The following UNC79 variants were observed in gnomAD, a reference collection of about 807,000 sequenced individuals.
UNC79 encodes unc-79 subunit of NALCN channel complex.
Under a neutral mutation model 283.1 loss-of-function variants are expected in UNC79, and 37 were observed. That is an observed-to-expected ratio of 0.13 (90% CI 0.10 to 0.17). The LOEUF is 0.17. Ranked by LOEUF, UNC79 falls within the 10% of genes least tolerant of loss-of-function variation. The pLI, the probability that UNC79 is intolerant of heterozygous loss-of-function variation, is 1.00. For missense variants in UNC79, 2,272 were observed against 3,211.1 expected, an observed-to-expected ratio of 0.71 and a Z score of 7.07; for synonymous variants, 1,107 against 1,200.2, an observed-to-expected ratio of 0.92 and a Z score of 1.61.
At chr14:93,506,095 T>G (rs1175722829) in intron 7 of UNC79, among the ~76,000 whole-genome samples, 3 of 152,126 alleles carry the variant, frequency 2.0e-5, no homozygotes, top group African/African-American at 7.2e-5. Context: ...GGATTGAAGT[T>G]TTTTAAAATA....
At chr14:93,360,794 T>G (rs2054204246) in intron 1 of UNC79, among the ~76,000 whole-genome samples, 1 of 152,190 alleles carries the variant, frequency 6.6e-6, no homozygotes, top group South Asian at 2.1e-4. Flanking sequence ...AGAGAATAAA[T>G]TTGACTGAAA....
At chr14:93,630,856 C>A in exon 31 of UNC79, 1 of 1,613,994 alleles carries the variant, frequency 6.2e-7, no homozygotes, top group South Asian at 1.1e-5. Context: ...CTTCATCTGC[C>A]CCTACGTTAG....
At chr14:93,634,433 G>T in intron 31 of UNC79, 88 bp from the exon 34 acceptor site, 2 of 951,236 alleles carry the variant, frequency 2.1e-6, no homozygotes, top group Non-Finnish European at 3.3e-6. Context: ...CAAATGAAGG[G>T]TCAATTAAAA....
At chr14:93,414,969 G>C (rs1488010237) in intron 1 of UNC79, among the ~76,000 whole-genome samples, 1 of 152,194 alleles carries the variant, frequency 6.6e-6, no homozygotes, top group African/African-American at 2.4e-5. Context: ...TCTGCAAACA[G>C]GGACAATTTG....
At chr14:93,458,978 G>T (rs2056868291) in intron 1 of UNC79, among the ~76,000 whole-genome samples, 1 of 152,182 alleles carries the variant, frequency 6.6e-6, no homozygotes, top group Non-Finnish European at 1.5e-5. Context: ...CATGCTCTGG[G>T]TAGTCAGAAA....
At chr14:93,686,692 G>C in intron 43 of UNC79, 31 bp downstream of exon 46, 1 of 1,612,638 alleles carries the variant, frequency 6.2e-7, no homozygotes, top group Non-Finnish European at 8.5e-7. Flanking sequence ...TCATCCCTCA[G>C]GTTCACAAAA....
In UNC79 at chr14:93,497,154, T is replaced by C. The variant is rs1397566402; in HGVS notation, c.769-3T>C. The C allele has an allele frequency of 6.2e-7, 1 of 1,608,622 alleles. No individual in the cohort carries two copies. Among genetic ancestry groups the C allele is most frequent in the Non-Finnish European group, 8.5e-7 (1 of 1,178,636 alleles). Reference sequence around the variant, plus strand: ...GTCAAAATATGCTTGCTGTTTCCTTTAGGATCTTTTGTATGTGATTGCGTA... The same window carrying C: ...GTCAAAATATGCTTGCTGTTTCCTTCAGGATCTTTTGTATGTGATTGCGTA... On this transcript the variant is annotated splice_polypyrimidine_tract_variant and splice_region_variant and intron_variant, in intron 6 of 48. Transcript: ENST00000555664.
At chr14:93,483,625 G>A (rs2140421851) in intron 4 of UNC79, among the ~76,000 whole-genome samples, 1 of 151,460 alleles carries the variant, frequency 6.6e-6, no homozygotes, top group African/African-American at 2.4e-5. Context: ...TGCCATGTTG[G>A]AGTCCCATTA....
At chr14:93,543,188 C>CT (rs2141211536) in intron 14 of UNC79, among the ~76,000 whole-genome samples, 1 of 146,350 alleles carries the variant, frequency 6.8e-6, no homozygotes, top group East Asian at 2.3e-4. Context: ...GTCTTTTTTT[C>CT]TTTTTTTAAT....
intron 1 of UNC79, among the ~76,000 whole-genome samples, chr14:93,454,292 G>A (rs958676064): frequency 6.6e-6 from 1 of 152,090 alleles, no homozygotes; most frequent in Non-Finnish European, 1.5e-5. Context: ...CAATCCACTT[G>A]TCTCAGCCTC....
chr14:93,629,814 A>G (rs1417283639), intron 30 of UNC79, among the ~76,000 whole-genome samples: 1 of 152,246 alleles, frequency 6.6e-6, no homozygotes, highest in East Asian at 1.9e-4. Flanking sequence ...ACTTGAAGCC[A>G]TTTAGGGTTG....
At chr14:93,693,625 T>A (rs1279335171) in intron 46 of UNC79, among the ~76,000 whole-genome samples, 2 of 152,190 alleles carry the variant, frequency 1.3e-5, no homozygotes, top group Non-Finnish European at 2.9e-5. Context: ...GGCTACATTG[T>A]CCCACGGAGA....
At chr14:93,422,157 AATAC>A (rs1386156580) in intron 1 of UNC79, among the ~76,000 whole-genome samples, 1 of 151,818 alleles carries the variant, frequency 6.6e-6, no homozygotes, top group African/African-American at 2.4e-5. Flanking sequence ...AGGGAGACAT[AATAC>A]ATCAGTAAAC....
At chr14:93,680,681 C>G (rs769491226) in intron 41 of UNC79, among the ~76,000 whole-genome samples, 1 of 152,148 alleles carries the variant, frequency 6.6e-6, no homozygotes, top group Non-Finnish European at 1.5e-5. Flanking sequence ...ACCTCTGCCC[C>G]CCAGGTTCAA....
intron 44 of UNC79, 174 bp from the exon 48 acceptor site, chr14:93,689,943 A>G (rs916330990): frequency 1.7e-5 from 11 of 652,250 alleles, no homozygotes; most frequent in Non-Finnish European, 2.8e-5. Flanking sequence ...ATTAGAGTGG[A>G]AAACAAGAAA....
rs530840072 is a variant in UNC79 at position 93,576,227 on chromosome 14, T to C, written c.2211+1029T>C. Among the ~76,000 whole-genome samples the C allele has an allele frequency of 1.1e-4, 17 of 152,334 alleles. No homozygotes were observed. The South Asian group carries it at 3.5e-3, about 32-fold the overall frequency. On this transcript the variant is annotated intron_variant, in intron 17 of 48. Transcript: ENST00000555664. ...GAAGTGATTTCCTACAGAAACACCG[T>C]GAATACCTGGGTATTCTGATTCTTA...
intron 12 of UNC79, among the ~76,000 whole-genome samples, chr14:93,539,873 A>T (rs1360990700): frequency 6.6e-6 from 1 of 152,196 alleles, no homozygotes; most frequent in Non-Finnish European, 1.5e-5. Flanking sequence ...TTTGTAGTGG[A>T]TATAATATTA....
intron 25 of UNC79, among the ~76,000 whole-genome samples, chr14:93,601,888 G>A (rs184743110): frequency 3.3e-5 from 5 of 152,058 alleles, no homozygotes; most frequent in Admixed American, 1.3e-4. Context: ...TTTGTTGGCC[G>A]TTTGTATATC....
chr14:93,686,274 G>A (rs549592363), intron 42 of UNC79, among the ~76,000 whole-genome samples: 2 of 152,102 alleles, frequency 1.3e-5, no homozygotes, highest in African/African-American at 2.4e-5. Flanking sequence ...TGCATACAAA[G>A]CAGTTTAAAA....
Sources: allele counts gnomAD v4.1 joint callset (sites outside exome capture counted in the v4.1 genomes callset), GRCh38; gene constraint gnomAD v4.1.1; transcripts MANE v1.5; gene names NCBI Gene and HGNC (gene_info 2026-07-23, HGNC 2026-07-21).